FSTL5: variants seen among roughly 807,000 people sequenced by gnomAD.
FSTL5 encodes follistatin like 5.
In FSTL5, 62 loss-of-function variants were observed where a neutral mutation model predicts 89.1. That is an observed-to-expected ratio of 0.70 (90% CI 0.57 to 0.86). The LOEUF is 0.86. Among genes scored for constraint, FSTL5 ranks in the 40% least tolerant of loss-of-function variants. The pLI is 0.00. For missense variants in FSTL5, 1,057 were observed against 1,001.6 expected (o/e 1.06, Z -0.75); for synonymous variants, 383 against 346.2 (o/e 1.11, Z -1.18).
At chr4:161,554,260 A>G (rs368997764) in intron 8 of FSTL5, among the ~76,000 whole-genome samples, 29 of 151,602 alleles carry the variant, frequency 1.9e-4, no homozygotes, top group African/African-American at 7.0e-4. Context: ...GGGTAGATAG[A>G]TATATTTCTC....
intron 2 of FSTL5, among the ~76,000 whole-genome samples, chr4:162,074,038 A>G (rs1729735174): frequency 6.6e-6 from 1 of 151,764 alleles, no homozygotes; most frequent in Non-Finnish European, 1.5e-5. Flanking sequence ...CTATAAAAAG[A>G]AATTAAATTA....
chr4:161,690,226 A>G (rs537560663), intron 6 of FSTL5, among the ~76,000 whole-genome samples: 184 of 152,284 alleles, frequency 1.2e-3, no homozygotes, highest in Non-Finnish European at 2.3e-3. Flanking sequence ...TACTCTACCA[A>G]TAGCAGTAGG....
At chr4:162,087,660 C>T (rs536067162) in intron 2 of FSTL5, among the ~76,000 whole-genome samples, 2 of 152,214 alleles carry the variant, frequency 1.3e-5, no homozygotes, top group East Asian at 1.9e-4. Context: ...AATATTCCAT[C>T]GTCATTCGAC....
chr4:161,777,088 T>C (rs1661983618), intron 4 of FSTL5, among the ~76,000 whole-genome samples: 1 of 152,014 alleles, frequency 6.6e-6, no homozygotes, highest in African/African-American at 2.4e-5. Context: ...ATGACTTCAA[T>C]TATTTTTTTC....
chr4:161,906,910 A>C (rs1218050257), intron 4 of FSTL5, among the ~76,000 whole-genome samples: 1 of 152,118 alleles, frequency 6.6e-6, no homozygotes, highest in Non-Finnish European at 1.5e-5. Context: ...CTTCCAGTAG[A>C]TGTAGACACA....
At chr4:161,446,730 A>T (rs1038104509) in intron 15 of FSTL5, among the ~76,000 whole-genome samples, 2 of 152,058 alleles carry the variant, frequency 1.3e-5, no homozygotes, top group African/African-American at 4.8e-5. Flanking sequence ...ATGTAAGAAA[A>T]TGCTTAAATT....
chr4:161,768,780 G>C (rs1258184592), intron 5 of FSTL5, among the ~76,000 whole-genome samples: 17 of 150,910 alleles, frequency 1.1e-4, no homozygotes, highest in Admixed American at 1.1e-3. Context: ...AGAACTTAAT[G>C]AATCTCAAGG....
Position 161,481,145 on chromosome 4 carries a change from C to T in FSTL5, c.1483G>A (p.Gly495Arg). Residue 495 changes from glycine (G) to arginine (R), a missense_variant, in exon 13 of 16, where the codon GGA (glycine) becomes AGA (arginine). Gly to Arg is a moderately radical substitution (Grantham distance 125). This residue lies in a region of FSTL5 where 980 missense variants were observed against 903.2 expected (regional missense o/e 1.08). Coordinates refer to ENST00000306100, the MANE Select transcript of FSTL5 (RefSeq NM_020116.5). ...FQDEVCPKAEGDEVQRCVWAS... is the reference protein window; with the variant it reads ...FQDEVCPKAERDEVQRCVWAS... The stretch of plus-strand genomic sequence containing the variant: ...CACACACACCTCTGAACTTCATCTC[C>T]CTCAGCTTTGGGACAGACTTCATCC... 1.2e-6 allele frequency: 2 copies of T among 1,611,098 alleles called. No homozygotes were observed. The highest frequency in any genetic ancestry group is 1.7e-6 in the Non-Finnish European group (2 of 1,178,356).
chr4:161,833,200 T>A (rs371824184), intron 4 of FSTL5, among the ~76,000 whole-genome samples: 3 of 152,100 alleles, frequency 2.0e-5, no homozygotes, highest in Non-Finnish European at 4.4e-5. Flanking sequence ...TTTGAGTGAG[T>A]TTCTTAATCC....
chr4:161,495,780 A>C (rs1730047509), intron 12 of FSTL5, among the ~76,000 whole-genome samples: 1 of 152,160 alleles, frequency 6.6e-6, no homozygotes, highest in African/African-American at 2.4e-5. Flanking sequence ...CATGAATTTG[A>C]AAAATATTAT....
intron 4 of FSTL5, among the ~76,000 whole-genome samples, chr4:161,895,807 G>T (rs1733138567): frequency 6.6e-6 from 1 of 152,112 alleles, no homozygotes; most frequent in Admixed American, 6.5e-5. Flanking sequence ...GTTAGTGAGT[G>T]ATTAGAAGAC....
chr4:161,788,166 G>A (rs1385107867), intron 4 of FSTL5, among the ~76,000 whole-genome samples: 3 of 151,896 alleles, frequency 2.0e-5, no homozygotes, highest in African/African-American at 7.3e-5. Context: ...CATCTTTATG[G>A]GTATGTTTCA....
At chr4:161,962,098 C>T (rs1333750293) in intron 3 of FSTL5, among the ~76,000 whole-genome samples, 3 of 151,424 alleles carry the variant, frequency 2.0e-5, no homozygotes, top group African/African-American at 7.3e-5. Flanking sequence ...AAATTGACTC[C>T]CAAGCACTTG....
At position 161,747,616 on chromosome 4, in the gene FSTL5, A is replaced by G. The variant is rs542039134; in HGVS notation, c.727+11795T>C. 1.1e-4 allele frequency among the ~76,000 whole-genome samples: 16 copies of G among 152,304 alleles called. No homozygotes were observed. In the South Asian group the frequency reaches 2.7e-3, roughly 26 times the overall value. On this transcript the variant is annotated intron_variant, in intron 6 of 15. Coordinates refer to ENST00000306100, the MANE Select transcript of FSTL5 (RefSeq NM_020116.5). ...CATAGATGCTATTTGTTTGTCCCAT[A>G]TGGTGGGGGCAACAACTAGGGTCTG...
At chr4:161,534,310 T>A (rs1379035756) in intron 10 of FSTL5, among the ~76,000 whole-genome samples, 1 of 152,116 alleles carries the variant, frequency 6.6e-6, no homozygotes, top group Non-Finnish European at 1.5e-5. Context: ...GCTGGGAATA[T>A]GATCCTATAC....
At chr4:161,560,828 C>T (rs1320165423) in intron 8 of FSTL5, among the ~76,000 whole-genome samples, 1 of 151,994 alleles carries the variant, frequency 6.6e-6, no homozygotes, top group South Asian at 2.1e-4. Flanking sequence ...GAACTACCTG[C>T]CTAAGGCTGT....
chr4:161,602,078 G>A (rs1734262578), intron 7 of FSTL5, among the ~76,000 whole-genome samples: 1 of 151,938 alleles, frequency 6.6e-6, no homozygotes. Context: ...GGAAAGACCT[G>A]AAGAAATCCA....
chr4:161,662,618 G>A (rs565929118), intron 6 of FSTL5, among the ~76,000 whole-genome samples: 4 of 152,178 alleles, frequency 2.6e-5, no homozygotes, highest in South Asian at 2.1e-4. Flanking sequence ...AACCAGATAC[G>A]GTTAATGAAA....
chr4:161,720,086 AGG>A (rs1739139355), intron 6 of FSTL5, among the ~76,000 whole-genome samples: 1 of 152,166 alleles, frequency 6.6e-6, no homozygotes, highest in Non-Finnish European at 1.5e-5. Context: ...CTCCTCAGCA[AGG>A]GAAAGAATCA....
Sources: gnomAD v4.1 joint callset for allele counts (sites outside exome capture counted in the v4.1 genomes callset) on GRCh38, gnomAD v4.1.1 for gene constraint, gnomAD v4.1.1 regional missense constraint, MANE v1.5 for transcripts, NCBI Gene and HGNC (gene_info 2026-07-23, HGNC 2026-07-21) for gene names.